FGF13: variants seen among roughly 807,000 people sequenced by gnomAD.
FGF13 encodes fibroblast growth factor homologous factor 2.
A neutral mutation model predicts 19.5 loss-of-function variants in FGF13; 2 were observed. That is an observed-to-expected ratio of 0.10 (90% CI 0.04 to 0.32). The LOEUF (loss-of-function observed/expected upper bound fraction) is 0.32. Among genes scored for constraint, FGF13 ranks in the 10% least tolerant of loss-of-function variants. FGF13 has a pLI of 1.00. For synonymous variants in FGF13, 72 were observed against 76.9 expected (o/e 0.94, Z 0.33); for missense variants, 113 against 192.7 (o/e 0.59, Z 2.45).
chrX:139,065,371 A>G (rs2124426505), intron 1 of FGF13, among the ~76,000 whole-genome samples: 1 of 109,621 alleles, frequency 9.1e-6, no homozygotes, highest in Non-Finnish European at 1.9e-5. Context: ...AATTGGATAA[A>G]GAGTCAAGAC....
At chrX:139,100,012 G>T (rs1172223954) in intron 1 of FGF13, among the ~76,000 whole-genome samples, 6 of 97,404 alleles carry the variant, frequency 6.2e-5, no homozygotes, top group Non-Finnish European at 1.2e-4. Context: ...TGGCCATGTG[G>T]GTCATCCTTC....
intron 3 of FGF13, among the ~76,000 whole-genome samples, chrX:138,698,158 A>C (rs987829028): frequency 9.0e-6 from 1 of 110,862 alleles, no homozygotes; most frequent in African/African-American, 3.3e-5. Context: ...AAGAAAAAAA[A>C]AGGGCGGGGA....
chrX:138,950,017 C>T (rs148215811), intron 1 of FGF13, among the ~76,000 whole-genome samples: 1,946 of 111,801 alleles, frequency 0.017, 20 homozygotes, highest in Non-Finnish European at 0.024. Context: ...CTCTCCCTCC[C>T]CATCCCCTAC....
chrX:139,127,604 A>G (rs769136487), intron 1 of FGF13, among the ~76,000 whole-genome samples: 1 of 111,762 alleles, frequency 8.9e-6, no homozygotes, highest in Non-Finnish European at 1.9e-5. Flanking sequence ...CCAATCGTAC[A>G]TGGCATGCTG....
intron 1 of FGF13, among the ~76,000 whole-genome samples, chrX:138,883,394 A>AG (rs965744966): frequency 1.8e-5 from 2 of 111,441 alleles, no homozygotes; most frequent in Non-Finnish European, 3.8e-5. Flanking sequence ...GCTTTTCTTC[A>AG]GGTCATAAGG....
At chrX:138,883,636 T>C (rs2091438682) in intron 1 of FGF13, among the ~76,000 whole-genome samples, 2 of 111,643 alleles carry the variant, frequency 1.8e-5, no homozygotes, top group Admixed American at 1.9e-4. Flanking sequence ...GCAAATATGC[T>C]AGCAGATAAC....
At chrX:138,814,406 G>C (rs2090947850) in intron 3 of FGF13, among the ~76,000 whole-genome samples, 1 of 110,091 alleles carries the variant, frequency 9.1e-6, no homozygotes, top group African/African-American at 3.3e-5. Context: ...ACAATGAACA[G>C]AGTGAAGAGA....
At chrX:138,825,820 C>A (rs2091030837) in intron 3 of FGF13, among the ~76,000 whole-genome samples, 2 of 111,941 alleles carry the variant, frequency 1.8e-5, no homozygotes, top group African/African-American at 6.5e-5. Flanking sequence ...GGCAGTATGA[C>A]AAAAATGGAA....
In FGF13 at chrX:139,014,661, C is replaced by T. The variant is rs138074568; in HGVS notation, c.-112-150011G>A. Among the ~76,000 whole-genome samples the T allele has an allele frequency of 6.1e-3, 682 of 111,022 alleles. 5 individuals carry two copies. The highest frequency in any genetic ancestry group is 0.022 in the African/African-American group (662 of 30,655). ...AAGATTTCAAAAACTAACACCTATC[C>T]TACCCAAACTATTCTAAAAAATAGA... On this transcript the variant is annotated intron_variant, in intron 1 of 2. Transcript: ENST00000421460.
At chrX:138,669,813 G>A (rs966167826) in intron 3 of FGF13, among the ~76,000 whole-genome samples, 1 of 111,129 alleles carries the variant, frequency 9.0e-6, no homozygotes, top group East Asian at 2.9e-4. Context: ...ACGTTTCCAG[G>A]TGCTAGATAC....
intron 3 of FGF13, among the ~76,000 whole-genome samples, chrX:138,759,490 A>T (rs1219635469): frequency 2.7e-5 from 3 of 112,331 alleles, no homozygotes; most frequent in Non-Finnish European, 5.6e-5. Context: ...ATGCTGGCTG[A>T]GGAGAAAGAA....
rs547767260 is a variant in FGF13 at position 138,793,183 on chromosome X, G to GA, written c.217+64328dup. 1.5e-4 allele frequency among the ~76,000 whole-genome samples: 17 copies of GA among 111,401 alleles called. 2 individuals carry two copies. In the South Asian group the frequency reaches 6.5e-3, roughly 43 times the overall value. ...AACGAATTCTCCTCTAGACCTTCTA[G>GA]AGAGAGTGCCCTGGTGAAAACTTGA... On this transcript the variant is annotated intron_variant, in intron 3 of 6. Transcript: ENST00000436198.
At chrX:138,906,693 A>T (rs2091560264) in intron 1 of FGF13, among the ~76,000 whole-genome samples, 1 of 111,278 alleles carries the variant, frequency 9.0e-6, no homozygotes, top group Admixed American at 9.5e-5. Context: ...AGGTTTCAAT[A>T]CTCCTGGTGA....
intron 3 of FGF13, among the ~76,000 whole-genome samples, chrX:138,666,856 G>T (rs904859865): frequency 9.1e-6 from 1 of 109,985 alleles, no homozygotes; most frequent in Non-Finnish European, 1.9e-5. Flanking sequence ...ACACATTTAG[G>T]TGTGAACAGT....
intron 3 of FGF13, among the ~76,000 whole-genome samples, chrX:138,667,535 A>G (rs1468584344): frequency 9.0e-6 from 1 of 111,275 alleles, no homozygotes; most frequent in Admixed American, 9.6e-5. Flanking sequence ...ACCTGACTAT[A>G]AGAGAGTTAC....
intron 1 of FGF13, among the ~76,000 whole-genome samples, chrX:139,058,649 A>C (rs776685956): frequency 8.9e-6 from 1 of 112,474 alleles, no homozygotes; most frequent in East Asian, 2.8e-4. Flanking sequence ...TGAACATACT[A>C]AAGTAAGATG....
chrX:138,705,327 G>A (rs1287165959), intron 2 of FGF13, among the ~76,000 whole-genome samples: 1 of 111,191 alleles, frequency 9.0e-6, no homozygotes, highest in Non-Finnish European at 1.9e-5. Flanking sequence ...AAACTGATTT[G>A]ATTTTCACCG....
intron 1 of FGF13, among the ~76,000 whole-genome samples, chrX:138,727,004 C>G (rs2090190749): frequency 9.0e-6 from 1 of 111,104 alleles, no homozygotes; most frequent in South Asian, 3.8e-4. Context: ...AAGTGCCTAC[C>G]AAGTACCAAG....
chrX:139,197,982 A>G (rs2084386364), intron 1 of FGF13, among the ~76,000 whole-genome samples: 2 of 88,472 alleles, frequency 2.3e-5, no homozygotes, highest in South Asian at 1.5e-3. Context: ...TGACAGATTG[A>G]GACCCTACCT....
Sources: allele counts gnomAD v4.1 joint callset (sites outside exome capture counted in the v4.1 genomes callset), GRCh38; gene constraint gnomAD v4.1.1; transcripts MANE v1.5; gene names NCBI Gene and HGNC (gene_info 2026-07-23, HGNC 2026-07-21).